Variants in KLRG1 observed in about 807,000 individuals in gnomAD.
KLRG1 encodes the protein killer cell lectin like receptor G1.
A neutral mutation model predicts 21.8 loss-of-function variants in KLRG1; 16 were observed. The observed-to-expected ratio is 0.73, with a 90% CI of 0.50 to 1.11. The LOEUF (loss-of-function observed/expected upper bound fraction) is 1.11, where lower values mean the gene tolerates loss of function less well. Ranked by LOEUF, KLRG1 falls within the 50% of genes most tolerant of loss-of-function variation. The probability of loss-of-function intolerance (pLI) is 0.00; values close to 1 mark genes in which losing one functional copy is unlikely to be tolerated. For missense variants in KLRG1, 173 were observed against 218.3 expected (o/e 0.79, Z 1.31); for synonymous variants, 69 against 75.9 (o/e 0.91, Z 0.47).
chr12:9,212,890 T>A, the KLRG1 span, among the ~76,000 whole-genome samples: 2 of 152,184 alleles, frequency 1.3e-5, no homozygotes, highest in East Asian at 1.9e-4. Flanking sequence ...ATTACCACTA[T>A]GAAATTATGG....
the KLRG1 span, chr12:9,098,470 C>A: frequency 2.4e-6 from 2 of 839,630 alleles, no homozygotes; most frequent in Non-Finnish European, 1.7e-6. Context: ...CAATGAAAGC[C>A]CACAAGAGAG....
chr12:9,027,969 T>C, the KLRG1 span: 1 of 972,098 alleles, frequency 1.0e-6, no homozygotes, highest in African/African-American at 1.6e-5. Flanking sequence ...AACTTCACAG[T>C]TGTGGTCATT....
chr12:9,041,206 A>G, the KLRG1 span, among the ~76,000 whole-genome samples: 1 of 152,310 alleles, frequency 6.6e-6, no homozygotes, highest in African/African-American at 2.4e-5. Flanking sequence ...GAGATGGCTC[A>G]TGCCTGTAAT....
the KLRG1 span, chr12:9,104,505 T>G: frequency 8.2e-7 from 1 of 1,219,750 alleles, no homozygotes; most frequent in Admixed American, 2.6e-5. Context: ...TGAACATGGT[T>G]CCAGGCACTG....
chr12:8,953,957 T>C (rs1454103060), intron 1 of KLRG1, among the ~76,000 whole-genome samples: 1 of 152,098 alleles, frequency 6.6e-6, no homozygotes, highest in East Asian at 1.9e-4. Context: ...CACAGGAACA[T>C]GCAGTCCACC....
At chr12:9,095,944 A>G in the KLRG1 span, among the ~76,000 whole-genome samples, 1 of 150,360 alleles carries the variant, frequency 6.7e-6, no homozygotes, top group Admixed American at 6.6e-5. Context: ...TATTTTTAGT[A>G]GAGACGGGGT....
At chr12:9,079,623 T>C in the KLRG1 span, 7 of 1,606,108 alleles carry the variant, frequency 4.4e-6, no homozygotes, top group East Asian at 1.6e-4. Context: ...TTTCCCTTAC[T>C]CAAGTAATCA....
the KLRG1 span, among the ~76,000 whole-genome samples, chr12:9,130,642 GT>G: frequency 6.6e-6 from 1 of 151,610 alleles, no homozygotes; most frequent in Non-Finnish European, 1.5e-5. Context: ...TTAAAATCTA[GT>G]TATTTGATTT....
chr12:9,125,376 C>T, the KLRG1 span, among the ~76,000 whole-genome samples: 1 of 152,216 alleles, frequency 6.6e-6, no homozygotes, highest in Non-Finnish European at 1.5e-5. Context: ...GGATGCAGGA[C>T]AAGAGCTTGT....
intron 1 of KLRG1, 139 bp from the exon 2 acceptor site, chr12:8,992,067 T>C (rs1476988514): frequency 1.5e-6 from 1 of 648,492 alleles, no homozygotes; most frequent in Non-Finnish European, 2.7e-6. Context: ...CTGACACATC[T>C]AGAAAAGGAA....
the KLRG1 span, among the ~76,000 whole-genome samples, chr12:9,147,138 C>T: frequency 6.6e-6 from 1 of 152,140 alleles, no homozygotes; most frequent in East Asian, 1.9e-4. Flanking sequence ...ACACATGGAT[C>T]AACTCTTTCT....
At chr12:9,101,487 C>A in the KLRG1 span, 1 of 1,613,874 alleles carries the variant, frequency 6.2e-7, no homozygotes, top group Middle Eastern at 1.7e-4. Flanking sequence ...CAGCAGGGTG[C>A]CTCCATTCAG....
At chr12:9,186,081 C>T in the KLRG1 span, among the ~76,000 whole-genome samples, 2 of 152,000 alleles carry the variant, frequency 1.3e-5, no homozygotes, top group Non-Finnish European at 2.9e-5. Context: ...GCTGGGATTA[C>T]AGGTATGAGC....
chr12:9,098,666 G>A, the KLRG1 span: 15 of 1,611,274 alleles, frequency 9.3e-6, no homozygotes, highest in African/African-American at 1.3e-5. Flanking sequence ...TCCACAGCAC[G>A]GAGGGCGCAG....
At chr12:9,210,896 T>A in the KLRG1 span, among the ~76,000 whole-genome samples, 3 of 152,200 alleles carry the variant, frequency 2.0e-5, no homozygotes, top group Admixed American at 6.5e-5. Context: ...ACTCTCCTAA[T>A]GATAAAAACA....
the KLRG1 span, among the ~76,000 whole-genome samples, chr12:9,124,373 T>C: frequency 6.6e-6 from 1 of 152,044 alleles, no homozygotes; most frequent in Non-Finnish European, 1.5e-5. Flanking sequence ...GGCCTCCTGC[T>C]CTATGGAGCA....
the KLRG1 span, chr12:9,162,139 T>C: frequency 6.5e-6 from 1 of 153,708 alleles, no homozygotes. Context: ...TTTTTGTTTT[T>C]TTCGTAGAGA....
chr12:9,028,028 G>T, the KLRG1 span: 1 of 1,244,186 alleles, frequency 8.0e-7, no homozygotes, highest in Non-Finnish European at 1.2e-6. Context: ...AGTCATGGTT[G>T]TCAAAGGTTA....
chr12:9,041,957 G>T, the KLRG1 span, among the ~76,000 whole-genome samples: 2 of 152,206 alleles, frequency 1.3e-5, no homozygotes, highest in East Asian at 3.8e-4. Context: ...TCTAAAATAT[G>T]TGGCATTGGT....
Sources: gnomAD v4.1 joint callset for allele counts (sites outside exome capture counted in the v4.1 genomes callset) on GRCh38, gnomAD v4.1.1 for gene constraint, MANE v1.5 for transcripts, NCBI Gene and HGNC (gene_info 2026-07-23, HGNC 2026-07-21) for gene names.